Variants in NCOA6 observed in about 807,000 individuals in gnomAD.
NCOA6 encodes NRC RAP250.
A neutral mutation model predicts 171.4 loss-of-function variants in NCOA6; 49 were observed. The ratio of observed to expected loss-of-function variants is 0.29; its 90% CI spans 0.23 to 0.36. NCOA6 has a LOEUF of 0.36. NCOA6 is among the 10% of genes least tolerant of loss of function. The pLI, the probability that NCOA6 is intolerant of heterozygous loss-of-function variation, is 1.00. For synonymous variants in NCOA6, 910 were observed against 927.5 expected (o/e 0.98, Z 0.34); for missense variants, 2,248 against 2,554.5 (o/e 0.88, Z 2.59).
intron 1 of NCOA6, among the ~76,000 whole-genome samples, chr20:34,822,208 A>G (rs1466800462): frequency 6.6e-6 from 1 of 152,102 alleles, no homozygotes; most frequent in African/African-American, 2.4e-5. Flanking sequence ...CCTAGAAATT[A>G]AACCTCCACC....
chr20:34,812,929 T>C (rs1168195585), intron 1 of NCOA6, among the ~76,000 whole-genome samples: 2 of 151,618 alleles, frequency 1.3e-5, no homozygotes, highest in African/African-American at 2.4e-5. Flanking sequence ...CTGAGGTGGG[T>C]AGACCACCTA....
chr20:34,748,891 T>C (rs1321679450), intron 9 of NCOA6, among the ~76,000 whole-genome samples: 1 of 152,226 alleles, frequency 6.6e-6, no homozygotes, highest in Admixed American at 6.5e-5. Flanking sequence ...CCAATAGCCA[T>C]CATAAGCCTA....
chr20:34,756,469 AT>A (rs139310718), intron 7 of NCOA6, among the ~76,000 whole-genome samples: 1,915 of 152,312 alleles, frequency 0.013, 49 homozygotes, highest in African/African-American at 0.043. Flanking sequence ...CTGATACTCT[AT>A]ACCTTACTGA....
At chr20:34,806,571 T>C (rs1233295299) in intron 1 of NCOA6, among the ~76,000 whole-genome samples, 1 of 152,250 alleles carries the variant, frequency 6.6e-6, no homozygotes, top group East Asian at 1.9e-4. Flanking sequence ...CATTTTGAGT[T>C]GATTTTTGTA....
intron 12 of NCOA6, 26 bp downstream of exon 12, chr20:34,736,664 A>G (rs746588559): frequency 2.5e-6 from 4 of 1,587,410 alleles, no homozygotes; most frequent in Non-Finnish European, 2.6e-6. Flanking sequence ...TCCCACTCCA[A>G]GAAGTTTTTC....
chr20:34,716,611 T>G (rs1158006886), intron 14 of NCOA6, among the ~76,000 whole-genome samples: 1 of 151,954 alleles, frequency 6.6e-6, no homozygotes, highest in East Asian at 1.9e-4. Flanking sequence ...ATTAGCTGGG[T>G]GTGGTGGCAC....
At chr20:34,787,315 G>A (rs2077716824) in intron 2 of NCOA6, among the ~76,000 whole-genome samples, 1 of 151,832 alleles carries the variant, frequency 6.6e-6, no homozygotes, top group African/African-American at 2.4e-5. Context: ...TTTGAGCCCA[G>A]GATTTTGAGA....
intron 8 of NCOA6, among the ~76,000 whole-genome samples, chr20:34,751,198 G>A (rs1249017335): frequency 4.7e-5 from 7 of 148,580 alleles, no homozygotes; most frequent in African/African-American, 1.5e-4. Flanking sequence ...GTGAAACCCC[G>A]TCTCTACTAA....
Position 34,741,261 on chromosome 20 carries a change from TGAG to T in NCOA6, c.4992_4994del (p.Ser1665del). On this transcript the variant is annotated inframe_deletion, in exon 11 of 15. Transcript: ENST00000359003. ...GTGATCCTTTCATAACCTGAATTAT[TGAG>T]GATGAATTGATAAAGACAGGTGTAA... The T allele has an allele frequency of 6.2e-7, 1 of 1,614,236 alleles. No individual in the cohort carries two copies. The highest frequency in any genetic ancestry group is 1.1e-5 in the South Asian group (1 of 91,092).
intron 2 of NCOA6, among the ~76,000 whole-genome samples, chr20:34,791,342 C>T (rs1460051053): frequency 6.6e-6 from 1 of 152,156 alleles, no homozygotes; most frequent in Non-Finnish European, 1.5e-5. Context: ...CAATTGTGCA[C>T]CCATCATGAG....
At chr20:34,751,153 G>A (rs1332282119) in intron 8 of NCOA6, among the ~76,000 whole-genome samples, 8 of 151,578 alleles carry the variant, frequency 5.3e-5, no homozygotes, top group Admixed American at 3.3e-4. Context: ...GGTGGATCAC[G>A]AGGTCAGGAG....
chr20:34,791,347 C>A (rs74368898), intron 2 of NCOA6, among the ~76,000 whole-genome samples: 1 of 152,204 alleles, frequency 6.6e-6, no homozygotes, highest in Non-Finnish European at 1.5e-5. Context: ...GTGCACCCAT[C>A]ATGAGTATTC....
chr20:34,770,921 T>TGCCAG (rs774401655), intron 4 of NCOA6, among the ~76,000 whole-genome samples: 5 of 151,822 alleles, frequency 3.3e-5, no homozygotes, highest in Non-Finnish European at 2.9e-5. Flanking sequence ...TGAGCCACCG[T>TGCCAG]GCCAGGCCAG....
chr20:34,739,390 G>A (rs1477866728), intron 11 of NCOA6, among the ~76,000 whole-genome samples: 1 of 152,162 alleles, frequency 6.6e-6, no homozygotes, highest in Non-Finnish European at 1.5e-5. Context: ...CCATATAGCT[G>A]GTAAATGCTG....
chr20:34,755,188 G>A (rs1319421843), intron 7 of NCOA6, among the ~76,000 whole-genome samples: 2 of 152,178 alleles, frequency 1.3e-5, no homozygotes, highest in Admixed American at 6.5e-5. Flanking sequence ...ACTTTTCTCT[G>A]TAATTAACAA....
intron 14 of NCOA6, among the ~76,000 whole-genome samples, chr20:34,722,121 C>T (rs1293140849): frequency 6.7e-6 from 1 of 149,636 alleles, no homozygotes; most frequent in Non-Finnish European, 1.5e-5. Context: ...TGGCTCATGC[C>T]TGTAATCCCA....
chr20:34,749,322 T>C, intron 9 of NCOA6, 81 bp downstream of exon 9: 1 of 1,442,468 alleles, frequency 6.9e-7, no homozygotes, highest in South Asian at 1.4e-5. Flanking sequence ...TAGTTTTATA[T>C]TCTGTAAAAT....
chr20:34,795,543 A>T (rs1164184592), intron 1 of NCOA6, among the ~76,000 whole-genome samples: 1 of 152,210 alleles, frequency 6.6e-6, no homozygotes, highest in East Asian at 1.9e-4. Context: ...ACAGAACTAG[A>T]ATATGGAACT....
At chr20:34,823,375 A>T (rs902507072) in intron 1 of NCOA6, among the ~76,000 whole-genome samples, 8 of 136,522 alleles carry the variant, frequency 5.9e-5, no homozygotes, top group Admixed American at 5.7e-4. Flanking sequence ...AAAAGAAAAG[A>T]AAAGAAAAGA....
Sources: allele counts gnomAD v4.1 joint callset (sites outside exome capture counted in the v4.1 genomes callset), GRCh38; gene constraint gnomAD v4.1.1; transcripts MANE v1.5; gene names NCBI Gene and HGNC (gene_info 2026-07-23, HGNC 2026-07-21).